Variants in EYS observed in about 807,000 individuals in gnomAD.
The protein encoded by EYS is EGF-like photoreceptor maintenance factor.
A neutral mutation model predicts 282.1 loss-of-function variants in EYS; 250 were observed. The observed-to-expected ratio is 0.89, with a 90% CI of 0.80 to 0.98. The LOEUF (loss-of-function observed/expected upper bound fraction) is 0.98, where lower values mean the gene tolerates loss of function less well. EYS is among the 50% of genes least tolerant of loss of function. The pLI is 0.00. For synonymous variants in EYS, 1,355 were observed against 1,282.9 expected (o/e 1.06, Z -1.20); for missense variants, 4,016 against 3,709.0 (o/e 1.08, Z -2.15).
At chr6:64,830,210 A>G (rs139519732) in intron 19 of EYS, among the ~76,000 whole-genome samples, 7 of 152,130 alleles carry the variant, frequency 4.6e-5, no homozygotes, top group Non-Finnish European at 7.4e-5. Context: ...TTCACTGGAC[A>G]TCAAATCTGC....
intron 12 of EYS, among the ~76,000 whole-genome samples, chr6:65,115,787 C>T (rs376748819): frequency 2.1e-4 from 28 of 132,002 alleles, no homozygotes; most frequent in African/African-American, 8.6e-4. Flanking sequence ...GATTAGATTT[C>T]CTCAGAGGGT....
At chr6:64,481,531 T>C (rs6910064) in intron 26 of EYS, among the ~76,000 whole-genome samples, 16,063 of 78,846 alleles carry the variant, frequency 0.2, 2,544 homozygotes, top group African/African-American at 0.47. Context: ...CACACACACA[T>C]ACACATATAT....
chr6:64,987,272 G>A (rs774043000), intron 14 of EYS, among the ~76,000 whole-genome samples: 14 of 151,408 alleles, frequency 9.2e-5, no homozygotes, highest in Non-Finnish European at 1.9e-4. Flanking sequence ...CATTGGCTGG[G>A]TGCAGAATGC....
intron 33 of EYS, among the ~76,000 whole-genome samples, chr6:63,999,532 G>A (rs1016844217): frequency 3.3e-5 from 5 of 152,292 alleles, no homozygotes; most frequent in Middle Eastern, 3.4e-3. Flanking sequence ...CCTCATGTAG[G>A]AGATTGTTGG....
chr6:64,211,856 C>T lies in EYS; in HGVS notation c.6424+18736G>A, dbSNP rs911479061. 5.3e-4 allele frequency among the ~76,000 whole-genome samples: 80 copies of T among 151,726 alleles called. 2 individuals carry two copies. Among genetic ancestry groups the T allele is most frequent in the Non-Finnish European group, 1.3e-4 (9 of 67,964 alleles). ...TTTGGCCAGGTACGGTGGCTCACAC[C>T]TGTAATCCCAGCACTTTCAGAGGCG... On this transcript the variant is annotated intron_variant, in intron 31 of 42. Transcript: ENST00000503581.
chr6:64,905,612 C>T (rs2150073241), intron 16 of EYS, among the ~76,000 whole-genome samples: 1 of 152,218 alleles, frequency 6.6e-6, no homozygotes, highest in South Asian at 2.1e-4. Context: ...TTTTTAAAAC[C>T]TACTGCTCAA....
intron 36 of EYS, among the ~76,000 whole-genome samples, chr6:63,854,887 A>G (rs1234400785): frequency 6.6e-6 from 1 of 152,196 alleles, no homozygotes; most frequent in Non-Finnish European, 1.5e-5. Context: ...TTTACTTAAA[A>G]TTCTATACAT....
intron 14 of EYS, among the ~76,000 whole-genome samples, chr6:64,950,870 G>C (rs1769481058): frequency 7.8e-6 from 1 of 127,942 alleles, no homozygotes; most frequent in South Asian, 2.5e-4. Context: ...AAGTTGACTA[G>C]ATCTTCTAAA....
At chr6:64,421,869 G>A (rs1009626275) in intron 28 of EYS, among the ~76,000 whole-genome samples, 43 of 149,114 alleles carry the variant, frequency 2.9e-4, no homozygotes, top group African/African-American at 1.1e-3. Context: ...GGGTGTGTGT[G>A]TGTGTGTGTG....
chr6:65,459,228 A>G (rs1196148606), intron 5 of EYS, among the ~76,000 whole-genome samples: 3 of 152,168 alleles, frequency 2.0e-5, no homozygotes, highest in Non-Finnish European at 2.9e-5. Flanking sequence ...AAAGAATGAG[A>G]GAGAGGATGT....
At chr6:64,472,824 A>G (rs1393382162) in intron 26 of EYS, among the ~76,000 whole-genome samples, 2 of 152,162 alleles carry the variant, frequency 1.3e-5, no homozygotes, top group Admixed American at 6.5e-5. Flanking sequence ...CACTGTAATG[A>G]CATCCTTTAA....
chr6:65,077,400 A>G (rs1047233678), intron 12 of EYS, among the ~76,000 whole-genome samples: 1 of 152,112 alleles, frequency 6.6e-6, no homozygotes, highest in African/African-American at 2.4e-5. Context: ...CATTAACACT[A>G]TGATTCAATA....
intron 2 of EYS, among the ~76,000 whole-genome samples, chr6:65,588,410 T>C (rs1432102735): frequency 6.6e-6 from 1 of 151,874 alleles, no homozygotes; most frequent in Non-Finnish European, 1.5e-5. Context: ...GGGGGGAGTA[T>C]CTGCTGAGCC....
intron 31 of EYS, among the ~76,000 whole-genome samples, chr6:64,194,256 G>T (rs1765210498): frequency 1.3e-5 from 2 of 151,218 alleles, no homozygotes; most frequent in Admixed American, 6.6e-5. Context: ...TTATATTCAA[G>T]AAGTCTTGTC....
intron 28 of EYS, among the ~76,000 whole-genome samples, chr6:64,391,688 CCAT>C (rs1401353970): frequency 6.6e-6 from 1 of 152,038 alleles, no homozygotes; most frequent in African/African-American, 2.4e-5. Context: ...AATGTAAAGA[CCAT>C]CAAGACTAGG....
At chr6:64,532,723 A>T (rs546069708) in intron 26 of EYS, among the ~76,000 whole-genome samples, 47 of 152,230 alleles carry the variant, frequency 3.1e-4, no homozygotes, top group Admixed American at 7.2e-4. Flanking sequence ...ATAAATAAAT[A>T]AATTAAATTA....
intron 11 of EYS, among the ~76,000 whole-genome samples, chr6:65,314,979 T>C (rs1769261464): frequency 6.6e-6 from 1 of 152,128 alleles, no homozygotes; most frequent in African/African-American, 2.4e-5. Flanking sequence ...ATTCCAATGC[T>C]TGATAGTTAT....
At chr6:65,029,389 T>C (rs1389634317) in intron 13 of EYS, among the ~76,000 whole-genome samples, 1 of 152,132 alleles carries the variant, frequency 6.6e-6, no homozygotes, top group African/African-American at 2.4e-5. Flanking sequence ...AGATACGTAC[T>C]TTGTAGGAAT....
chr6:63,937,999 G>T (rs1411661768), intron 35 of EYS, among the ~76,000 whole-genome samples: 1 of 152,116 alleles, frequency 6.6e-6, no homozygotes, highest in Non-Finnish European at 1.5e-5. Flanking sequence ...CCATTTAATT[G>T]GAATGATATT....
Sources: allele counts gnomAD v4.1 joint callset (sites outside exome capture counted in the v4.1 genomes callset), GRCh38; gene constraint gnomAD v4.1.1; transcripts MANE v1.5; gene names NCBI Gene and HGNC (gene_info 2026-07-23, HGNC 2026-07-21).